EPHA3: variants seen among roughly 807,000 people sequenced by gnomAD.
EPHA3 encodes the protein EPH receptor A3, also known as ephrin type-A receptor 3.
EPHA3 carries 42 observed loss-of-function variants against 107.1 expected under a neutral mutation model. That is an observed-to-expected ratio of 0.39 (90% CI 0.31 to 0.51). EPHA3 has a LOEUF of 0.51. Among genes scored for constraint, EPHA3 ranks in the 20% least tolerant of loss-of-function variants. The pLI, the probability that EPHA3 is intolerant of heterozygous loss-of-function variation, is 0.78. For synonymous variants in EPHA3, 461 were observed against 424.8 expected (o/e 1.09, Z -1.05); for missense variants, 1,183 against 1,211.2 (o/e 0.98, Z 0.35).
At chr3:89,338,354 C>G (rs756757571) in intron 3 of EPHA3, among the ~76,000 whole-genome samples, 10 of 152,302 alleles carry the variant, frequency 6.6e-5, no homozygotes, top group Non-Finnish European at 1.0e-4. Context: ...TGATCTTTCT[C>G]AAATGGCGCT....
intron 5 of EPHA3, among the ~76,000 whole-genome samples, chr3:89,368,398 T>C (rs547054379): frequency 1.3e-5 from 2 of 150,358 alleles, no homozygotes; most frequent in South Asian, 4.2e-4. Flanking sequence ...AGATTTATGA[T>C]GGGAATTTGT....
At chr3:89,353,385 T>C (rs1449046440) in intron 5 of EPHA3, among the ~76,000 whole-genome samples, 1 of 151,436 alleles carries the variant, frequency 6.6e-6, no homozygotes, top group Non-Finnish European at 1.5e-5. Flanking sequence ...ACTTTAGTAA[T>C]GTTCTATGAT....
chr3:89,170,782 T>C (rs1012804011), intron 2 of EPHA3, among the ~76,000 whole-genome samples: 9 of 152,126 alleles, frequency 5.9e-5, no homozygotes, highest in Admixed American at 1.3e-4. Context: ...AAAACAAGAA[T>C]TTATTTGAGA....
At chr3:89,133,306 T>A (rs1704245395) in intron 2 of EPHA3, among the ~76,000 whole-genome samples, 1 of 152,156 alleles carries the variant, frequency 6.6e-6, no homozygotes, top group Non-Finnish European at 1.5e-5. Flanking sequence ...CAGACAAAAG[T>A]TCGCATACAA....
intron 3 of EPHA3, among the ~76,000 whole-genome samples, chr3:89,271,437 G>C (rs4619799): frequency 6.6e-6 from 1 of 151,888 alleles, no homozygotes; most frequent in Non-Finnish European, 1.5e-5. Flanking sequence ...AAATTCCTAA[G>C]GTTTGCTATG....
chr3:89,153,170 A>C (rs1226763974), intron 2 of EPHA3, among the ~76,000 whole-genome samples: 1 of 152,124 alleles, frequency 6.6e-6, no homozygotes, highest in Non-Finnish European at 1.5e-5. Context: ...ACATGGGTAA[A>C]GGAAAAGGCA....
At chr3:89,324,141 C>G (rs1316299420) in intron 3 of EPHA3, among the ~76,000 whole-genome samples, 1 of 144,820 alleles carries the variant, frequency 6.9e-6, no homozygotes, top group Non-Finnish European at 1.5e-5. Context: ...CAATGTGGAA[C>G]TTTAGATGTC....
intron 2 of EPHA3, among the ~76,000 whole-genome samples, chr3:89,204,995 G>A (rs1475639933): frequency 6.6e-6 from 1 of 152,144 alleles, no homozygotes; most frequent in African/African-American, 2.4e-5. Flanking sequence ...CCATTGAAAT[G>A]CAAAAATAAT....
At chr3:89,360,148 G>T (rs1708061377) in intron 5 of EPHA3, among the ~76,000 whole-genome samples, 1 of 150,306 alleles carries the variant, frequency 6.7e-6, no homozygotes, top group African/African-American at 2.4e-5. Flanking sequence ...CTGCTTTTAG[G>T]AATTTTGCTT....
intron 2 of EPHA3, among the ~76,000 whole-genome samples, chr3:89,163,684 A>C (rs1704998101): frequency 6.6e-6 from 1 of 152,136 alleles, no homozygotes; most frequent in Non-Finnish European, 1.5e-5. Flanking sequence ...CTCTTGTCCG[A>C]TTTCCCAATC....
Position 89,159,980 on chromosome 3 carries a change from C to A in EPHA3, c.153+32707C>A, listed in dbSNP as rs147863280. ...TTCTTCCTATTTTTGTATTTTTTAA[C>A]TTTTTCTTCAAAAATAAAAGAAAAA... is the stretch of plus-strand genomic sequence containing the variant. On this transcript the variant is annotated intron_variant, in intron 2 of 16. Coordinates refer to ENST00000336596, the MANE Select transcript of EPHA3 (RefSeq NM_005233.6). Among the ~76,000 whole-genome samples, 142 of 151,162 alleles carry A rather than the reference C, an allele frequency of 9.4e-4. 1 individual carries two copies. The East Asian group carries it at 0.026, about 28-fold the overall frequency.
intron 11 of EPHA3, among the ~76,000 whole-genome samples, chr3:89,428,631 C>T (rs1202384603): frequency 4.0e-5 from 6 of 151,898 alleles, no homozygotes; most frequent in Non-Finnish European, 7.4e-5. Context: ...TTTTGATCTA[C>T]TTGCTCCCCA....
chr3:89,214,782 G>C (rs973929838), intron 3 of EPHA3, among the ~76,000 whole-genome samples: 3 of 151,690 alleles, frequency 2.0e-5, no homozygotes, highest in Non-Finnish European at 4.4e-5. Context: ...TTTTTCCAAA[G>C]TGCCTTGAGT....
chr3:89,316,505 A>AAAATAT (rs1706907034), intron 3 of EPHA3, among the ~76,000 whole-genome samples: 5 of 104,134 alleles, frequency 4.8e-5, no homozygotes, highest in African/African-American at 1.8e-4. Flanking sequence ...GTGTGTGTGT[A>AAAATAT]ATATATATAT....
intron 7 of EPHA3, among the ~76,000 whole-genome samples, chr3:89,403,149 C>T (rs1708997840): frequency 6.6e-6 from 1 of 152,020 alleles, no homozygotes; most frequent in African/African-American, 2.4e-5. Context: ...TTTAAAATAT[C>T]TTATTTTTGT....
intron 2 of EPHA3, among the ~76,000 whole-genome samples, chr3:89,186,340 A>T (rs1396518811): frequency 6.6e-6 from 1 of 151,946 alleles, no homozygotes; most frequent in Admixed American, 6.6e-5. Flanking sequence ...ATAATGATAC[A>T]ATCTGTAACT....
intron 9 of EPHA3, among the ~76,000 whole-genome samples, chr3:89,411,825 A>G (rs576215069): frequency 6.6e-6 from 1 of 152,070 alleles, no homozygotes; most frequent in South Asian, 2.1e-4. Context: ...ACTAACTCAA[A>G]GAAACGATTG....
At chr3:89,325,994 C>G (rs939978541) in intron 3 of EPHA3, among the ~76,000 whole-genome samples, 1 of 150,360 alleles carries the variant, frequency 6.7e-6, no homozygotes, top group Non-Finnish European at 1.5e-5. Flanking sequence ...TTAAAGAATA[C>G]AAAATTAAAA....
intron 1 of EPHA3, among the ~76,000 whole-genome samples, chr3:89,113,715 G>T (rs1158881880): frequency 6.9e-6 from 1 of 145,466 alleles, no homozygotes; most frequent in Non-Finnish European, 1.5e-5. Flanking sequence ...TAAAAACCCC[G>T]CACACTTAAA....
Sources: allele counts gnomAD v4.1 joint callset (sites outside exome capture counted in the v4.1 genomes callset), GRCh38; gene constraint gnomAD v4.1.1; transcripts MANE v1.5; gene names NCBI Gene and HGNC (gene_info 2026-07-23, HGNC 2026-07-21).